The following SI variants were observed in gnomAD, a reference collection of about 807,000 sequenced individuals.
SI encodes the protein sucrase-isomaltase, intestinal.
SI carries 235 observed loss-of-function variants against 253.3 expected under a neutral mutation model. The ratio of observed to expected loss-of-function variants is 0.93; its 90% CI spans 0.83 to 1.03. The LOEUF (loss-of-function observed/expected upper bound fraction) is 1.03. Ranked by LOEUF, SI falls within the 50% of genes least tolerant of loss-of-function variation. The pLI is 0.00. For missense variants in SI, 2,442 were observed against 2,211.1 expected (o/e 1.10, Z -2.09); for synonymous variants, 819 against 712.0 (o/e 1.15, Z -2.39).
At chr3:165,081,279 C>T (rs1394978470), upstream of SI, among the ~76,000 whole-genome samples, 3 of 151,952 alleles carry the variant, frequency 2.0e-5, no homozygotes, top group African/African-American at 4.8e-5. Flanking sequence ...TTTAAAACTT[C>T]ATAAGCAAAA....
the SI span, among the ~76,000 whole-genome samples, chr3:165,087,013 C>T: frequency 1.6e-4 from 24 of 152,166 alleles, no homozygotes; most frequent in African/African-American, 5.8e-4. Flanking sequence ...GTACAATATC[C>T]CACGTGCTCC....
chr3:165,024,152 G>A (rs977201792), intron 25 of SI, among the ~76,000 whole-genome samples: 2 of 151,268 alleles, frequency 1.3e-5, no homozygotes, highest in Non-Finnish European at 3.0e-5. Flanking sequence ...TATAAAAATG[G>A]CATTATAACA....
the SI span, among the ~76,000 whole-genome samples, chr3:165,088,258 A>G: frequency 6.6e-6 from 1 of 152,158 alleles, no homozygotes; most frequent in African/African-American, 2.4e-5. Context: ...AGGCAGAAGA[A>G]TCCATTGAAC....
chr3:164,990,922 GA>G (rs1215772470), intron 44 of SI, among the ~76,000 whole-genome samples: 6 of 152,074 alleles, frequency 3.9e-5, no homozygotes, highest in African/African-American at 1.4e-4. Flanking sequence ...AATAGCATTG[GA>G]CGGCAGGGTT....
At position 165,014,237 on chromosome 3, in the gene SI, A is replaced by ATTT. The variant is rs529634147; in HGVS notation, c.3999+883_3999+885dup. Among the ~76,000 whole-genome samples the ATTT allele has an allele frequency of 3.4e-3, 516 of 151,328 alleles. 7 individuals are homozygous for ATTT. The highest frequency in any genetic ancestry group is 0.012 in the African/African-American group (495 of 41,300). ...CATTTAATTGTGTCTCTCATCATAG[A>ATTT]TTTTTTTTTGTTGTTGTTGTTGTTG... On this transcript the variant is annotated intron_variant, in intron 33 of 47. Transcript: ENST00000264382.
chr3:165,085,369 T>C, the SI span, among the ~76,000 whole-genome samples: 5 of 152,286 alleles, frequency 3.3e-5, 1 homozygote, highest in East Asian at 7.7e-4. Flanking sequence ...TTCTAATTCT[T>C]CAATCAAGAT....
chr3:165,005,255 A>G (rs1718448043), intron 37 of SI, among the ~76,000 whole-genome samples: 1 of 150,938 alleles, frequency 6.6e-6, no homozygotes, highest in Middle Eastern at 3.2e-3. Context: ...CTATATATAT[A>G]GTTAGAAAGA....
intron 25 of SI, 115 bp from the exon 26 acceptor site, chr3:165,023,891 C>G (rs1418278388): frequency 7.8e-6 from 6 of 770,976 alleles, no homozygotes; most frequent in Non-Finnish European, 1.3e-5. Context: ...TTCATTAATA[C>G]AAAAATGAAA....
intron 36 of SI, 49 bp from the exon 37 acceptor site, chr3:165,007,003 A>G (rs1161823638): frequency 6.9e-6 from 9 of 1,299,548 alleles, no homozygotes; most frequent in Non-Finnish European, 9.8e-6. Context: ...AGTGCCCTAC[A>G]ATGAAACGTG....
In SI at chr3:165,046,925, C is replaced by A. The variant is rs1168175370; in HGVS notation, c.1803G>T (p.Trp601Cys). The change falls in exon 16 of 48, where the codon TGG becomes TGT. Residue 601 changes from tryptophan (W) to cysteine (C), a missense_variant. Trp to Cys is a radical substitution (Grantham distance 215). Transcript: ENST00000264382. ...CCCATGAAGCAGTATTGTCTCCTAA[C>A]CAATGCGCAGCATGTCTTCCAGATC... is the stretch of plus-strand genomic sequence containing the variant. ...FAGSGRHAAH[W>C]LGDNTASWEQ... 10 of 1,613,020 alleles carry A rather than the reference C, an allele frequency of 6.2e-6. No homozygotes were observed. Among genetic ancestry groups the A allele is most frequent in the Non-Finnish European group, 8.5e-6 (10 of 1,179,410 alleles).
intron 16 of SI, 80 bp from the exon 17 acceptor site, chr3:165,043,255 G>A (rs1712941853): frequency 3.4e-6 from 3 of 874,916 alleles, no homozygotes; most frequent in Admixed American, 3.8e-5. Context: ...TGCCTCAACT[G>A]ATGAATGTGC....
chr3:165,003,459 T>G (rs1324192014), intron 37 of SI, among the ~76,000 whole-genome samples: 2 of 152,080 alleles, frequency 1.3e-5, no homozygotes, highest in Non-Finnish European at 2.9e-5. Context: ...CAATGCCAGT[T>G]TATTCACTCT....
chr3:165,084,055 G>C, the SI span, among the ~76,000 whole-genome samples: 3 of 151,968 alleles, frequency 2.0e-5, no homozygotes, highest in Non-Finnish European at 2.9e-5. Context: ...TAAAGATGAT[G>C]CTATTAGGAA....
intron 45 of SI, among the ~76,000 whole-genome samples, chr3:164,983,967 A>G (rs903407891): frequency 6.6e-6 from 1 of 152,086 alleles, no homozygotes; most frequent in Admixed American, 6.6e-5. Context: ...AGTGCTGACT[A>G]TTTGCCAAAT....
intron 45 of SI, 32 bp downstream of exon 45, chr3:164,987,106 A>C: frequency 6.9e-7 from 1 of 1,455,142 alleles, no homozygotes; most frequent in Non-Finnish European, 9.7e-7. Context: ...ATACGACATC[A>C]ATTAAATTTA....
chr3:165,045,119 A>G (rs572797449), intron 16 of SI, among the ~76,000 whole-genome samples: 1 of 152,162 alleles, frequency 6.6e-6, no homozygotes, highest in South Asian at 2.1e-4. Context: ...CTACAGCTTT[A>G]TCTGGTTAGA....
intron 27 of SI, among the ~76,000 whole-genome samples, chr3:165,020,639 T>G (rs1711553821): frequency 6.6e-6 from 1 of 151,616 alleles, no homozygotes; most frequent in South Asian, 2.1e-4. Flanking sequence ...GAAAACATCC[T>G]GATAACATCA....
chr3:164,980,614 T>C (rs914836770), intron 47 of SI, among the ~76,000 whole-genome samples: 1 of 151,936 alleles, frequency 6.6e-6, no homozygotes, highest in African/African-American at 2.4e-5. Context: ...AGTTGTTGGT[T>C]AAAGTAAATG....
At chr3:165,008,020 A>T in intron 35 of SI, 22 bp from the exon 36 acceptor site, 1 of 1,248,514 alleles carries the variant, frequency 8.0e-7, no homozygotes, top group Non-Finnish European at 1.2e-6. Context: ...ATGAAAGAAA[A>T]AGGTAAACAA....
Sources: allele counts gnomAD v4.1 joint callset (sites outside exome capture counted in the v4.1 genomes callset), GRCh38; gene constraint gnomAD v4.1.1; transcripts MANE v1.5; gene names NCBI Gene and HGNC (gene_info 2026-07-23, HGNC 2026-07-21).